MYT1: variants seen among roughly 807,000 people sequenced by gnomAD.
The protein encoded by MYT1 is myelin transcription factor 1, also known as myelin transcription factor I.
In MYT1, 23 loss-of-function variants were observed where a neutral mutation model predicts 123.0. The ratio of observed to expected loss-of-function variants is 0.19; its 90% CI spans 0.13 to 0.26. The LOEUF (loss-of-function observed/expected upper bound fraction) is 0.26. MYT1 is among the 10% of genes least tolerant of loss of function. MYT1 has a pLI of 1.00. For missense variants in MYT1, 1,125 were observed against 1,472.5 expected (o/e 0.76, Z 3.86); for synonymous variants, 518 against 575.3 (o/e 0.90, Z 1.43).
chr20:64,208,391 G>C lies in MYT1; in HGVS notation c.1195G>C (p.Gly399Arg), dbSNP rs971346088. The change falls in exon 7 of 23, where the codon GGC becomes CGC. Residue 399 changes from glycine (G) to arginine (R), a missense_variant. Gly to Arg is a moderately radical substitution (Grantham distance 125, BLOSUM62 -2). Transcript: ENST00000328439. The surrounding 1 kb of genome is among the most constrained non-coding windows in gnomAD (Gnocchi z 5.4). ...AEQVRTVCEP[G>R]CPPAEQSQLG... ...ACAGGTGCGCACAGTCTGCGAGCCGGGCTGCCCGCCTGCCGAGCAGAGCCA... is the reference window on the plus strand; with the variant it reads ...ACAGGTGCGCACAGTCTGCGAGCCGCGCTGCCCGCCTGCCGAGCAGAGCCA... 1 of 1,613,476 alleles carries C rather than the reference G, an allele frequency of 6.2e-7. No individual in the cohort carries two copies. The highest frequency in any genetic ancestry group is 8.5e-7 in the Non-Finnish European group (1 of 1,180,000).
Position 64,220,105 on chromosome 20 carries a change from A to T in MYT1, c.2241+123A>T, listed in dbSNP as rs1983957760. The stretch of plus-strand genomic sequence containing the variant: ...ACAGGCTTCTGGAAGAGCCTCGGGG[A>T]GCCATCCCTTTTCGTGAAGGGTCCT... On this transcript the variant is annotated intron_variant, in intron 13 of 22. Transcript: ENST00000328439. The T allele has an allele frequency of 2.2e-6, 3 of 1,385,168 alleles. No homozygotes were observed. The South Asian group carries it at 5.4e-5, about 25-fold the overall frequency. The allele number at this position is 1,385,168 out of a possible 1,614,324, so 85.8% of individuals were successfully genotyped here. A position where few individuals can be genotyped will look rare whatever the true frequency, so the allele number is the denominator to read the frequency against.
rs772155130 is a variant in MYT1, at chr20:64,191,727, A to G, written c.-1+1567A>G. ...CTCATATTTTGGCTCCCGCAGGATT[A>G]TCAGTGCTCTGCTGATCCATGTTGG... On this transcript the variant is annotated intron_variant, in intron 2 of 22. Transcript: ENST00000328439. The surrounding 1 kb of genome is among the most constrained non-coding windows in gnomAD (Gnocchi z 4.1). The G allele has an allele frequency of 1.3e-5, 2 of 152,258 alleles. No homozygotes were observed. Among genetic ancestry groups the G allele is most frequent in the African/African-American group, 2.4e-5 (1 of 41,460 alleles). 9.4% of individuals were successfully genotyped at this position (152,258 alleles called of 1,614,324 possible). A position where few individuals can be genotyped will look rare whatever the true frequency, so the allele number is the denominator to read the frequency against.
Position 64,213,683 on chromosome 20 carries a change from C to T in MYT1, c.1631+36C>T. The T allele has an allele frequency of 1.3e-6, 2 of 1,561,812 alleles. No individual in the cohort carries two copies. The highest frequency in any genetic ancestry group is 1.7e-5 in the Admixed American group (1 of 59,704). On this transcript the variant is annotated intron_variant, in intron 10 of 22. Transcript: ENST00000328439. The surrounding 1 kb of genome is among the most constrained non-coding windows in gnomAD (Gnocchi z 5.6). Reference sequence around the variant, plus strand: ...TGAGCCACAGAACTGAAGAGGCTGCCTCCCAAATGCCTGCAGAGGGCTTCT... The same window carrying T: ...TGAGCCACAGAACTGAAGAGGCTGCTTCCCAAATGCCTGCAGAGGGCTTCT...
At chr20:64,178,071 C>T (rs1982522384) in intron 1 of MYT1, among the ~76,000 whole-genome samples, 1 of 152,184 alleles carries the variant, frequency 6.6e-6, no homozygotes, top group African/African-American at 2.4e-5. Flanking sequence ...GAGGAGGCAC[C>T]TCAGGATCCT....
chr20:64,219,059 T>C (rs1046542078), intron 12 of MYT1, 24 bp downstream of exon 12: 3 of 1,593,612 alleles, frequency 1.9e-6, no homozygotes, highest in East Asian at 4.5e-5. Flanking sequence ...CCACAGAGCC[T>C]TTCTTGGGAG....
intron 4 of MYT1, among the ~76,000 whole-genome samples, chr20:64,201,986 G>A (rs532099515): frequency 3.4e-5 from 5 of 148,398 alleles, no homozygotes; most frequent in African/African-American, 7.5e-5. Context: ...GAACCCCCGC[G>A]TGTCGGGAAC....
Position 64,232,482 on chromosome 20 carries a change from C to A in MYT1, c.2897+97C>A. 8.1e-7 allele frequency: 1 copy of A among 1,231,464 alleles called. No homozygotes were observed. Among genetic ancestry groups the A allele is most frequent in the Non-Finnish European group, 1.2e-6 (1 of 859,988 alleles). 76.3% of individuals were successfully genotyped at this position (1,231,464 alleles called of 1,614,324 possible). On this transcript the variant is annotated intron_variant, in intron 19 of 22. Coordinates refer to ENST00000328439, the MANE Select transcript of MYT1 (RefSeq NM_004535.3). The surrounding 1 kb of genome is among the most constrained non-coding windows in gnomAD (Gnocchi z 6.9). ...CTCCTGAGGGAGGGCCAGACCAGGG[C>A]TCCGTGTGACCAGAGTTGCTCAAGG...
In MYT1 at chr20:64,168,041, C is replaced by T. The variant is rs1001619575; in HGVS notation, c.-99+3302C>T. Among the ~76,000 whole-genome samples, 4 of 152,182 alleles carry T rather than the reference C, an allele frequency of 2.6e-5. No individual in the cohort carries two copies. Among genetic ancestry groups the T allele is most frequent in the African/African-American group, 9.7e-5 (4 of 41,446 alleles). The stretch of plus-strand genomic sequence containing the variant: ...CCACTGGGGAGCCCACTGCCCAGCC[C>T]GGAGTGTCTGCTGGAGGCCTGGGGG... On this transcript the variant is annotated intron_variant, in intron 1 of 22. Transcript: ENST00000328439. This position sits in a 1 kb window ranked among gnomAD's most constrained non-coding sequence, Gnocchi z 6.1.
chr20:64,236,280 G>A (rs868192196), intron 19 of MYT1, among the ~76,000 whole-genome samples: 19 of 35,374 alleles, frequency 5.4e-4, no homozygotes, highest in African/African-American at 1.5e-3. Flanking sequence ...TGGGTGACCC[G>A]GGGCTGGCCG....
Position 64,232,030 on chromosome 20 carries a change from G to T in MYT1, c.2676-134G>T. Reference sequence around the variant, plus strand: ...TTCCCTGAGGCTCCAGGACCTCAGCGGCCCTCCCTGCCTCACTCAGAAGCC... The same window carrying T: ...TTCCCTGAGGCTCCAGGACCTCAGCTGCCCTCCCTGCCTCACTCAGAAGCC... On this transcript the variant is annotated intron_variant, in intron 18 of 22. Transcript: ENST00000328439. This position sits in a 1 kb window ranked among gnomAD's most constrained non-coding sequence, Gnocchi z 6.9. 1 of 823,174 alleles carries T rather than the reference G, an allele frequency of 1.2e-6. No homozygotes were observed. Among genetic ancestry groups the T allele is most frequent in the African/African-American group, 1.7e-5 (1 of 58,422 alleles). 51.0% of individuals were successfully genotyped at this position (823,174 alleles called of 1,614,324 possible).
intron 19 of MYT1, among the ~76,000 whole-genome samples, chr20:64,235,833 TGTGGTGGGTGACCCTGGGCTGGCC>T (rs1568722777): frequency 0.08 from 2,342 of 29,316 alleles, 174 homozygotes; most frequent in African/African-American, 0.14. Flanking sequence ...CTGGGCTGGC[TGTGGTGGGTGACCCTGGGCTGGCC>T]GTGGTGGGTG....
Position 64,214,950 on chromosome 20 carries a change from A to C in MYT1, c.1631+1303A>C, listed in dbSNP as rs141495033. ...GTGTTCCTCTGAAGGTGCAATTCCC[A>C]CACGTGGGATCTCTGGGCAGAGCAC... On this transcript the variant is annotated intron_variant, in intron 10 of 22. Transcript: ENST00000328439. Among the ~76,000 whole-genome samples, 108 of 152,142 alleles carry C rather than the reference A, an allele frequency of 7.1e-4. 1 individual carries two copies. The East Asian group carries it at 0.018, about 25-fold the overall frequency.
intron 2 of MYT1, among the ~76,000 whole-genome samples, chr20:64,196,000 A>G (rs775901944): frequency 1.3e-5 from 2 of 152,228 alleles, no homozygotes; most frequent in Non-Finnish European, 2.9e-5. Context: ...TGAAGCTGGC[A>G]TTTGGAGAAA....
At chr20:64,235,883 T>A (rs554453952) in intron 19 of MYT1, among the ~76,000 whole-genome samples, 3 of 130,030 alleles carry the variant, frequency 2.3e-5, no homozygotes, top group South Asian at 2.7e-4. Flanking sequence ...GGGATGGTCA[T>A]GGTGGGTGAC....
Position 64,239,741 on chromosome 20 carries a change from G to T in MYT1, c.3094-19G>T. 3 of 1,613,378 alleles carry T rather than the reference G, an allele frequency of 1.9e-6. No homozygotes were observed. The highest frequency in any genetic ancestry group is 2.5e-6 in the Non-Finnish European group (3 of 1,179,736). On this transcript the variant is annotated intron_variant, in intron 21 of 22. Coordinates refer to ENST00000328439, the MANE Select transcript of MYT1 (RefSeq NM_004535.3). Reference sequence around the variant, plus strand: ...GGGGGCCAAGGGCAGGCGGCACTTCGAATCTCTCTCTGGCACAGATCTCCT... The same window carrying T: ...GGGGGCCAAGGGCAGGCGGCACTTCTAATCTCTCTCTGGCACAGATCTCCT...
At chr20:64,205,226 G>T in intron 5 of MYT1, 129 bp downstream of exon 5, 1 of 1,109,750 alleles carries the variant, frequency 9.0e-7, no homozygotes, top group South Asian at 1.4e-5. Flanking sequence ...CCTTCTGCGA[G>T]GCAGCGACCT....
At chr20:64,239,956 G>C in intron 22 of MYT1, 53 bp downstream of exon 22, 2 of 1,594,676 alleles carry the variant, frequency 1.3e-6, no homozygotes, top group Non-Finnish European at 1.7e-6. Flanking sequence ...GGGTCTCTTC[G>C]GAAAGCAGGA....
At position 64,222,145 on chromosome 20, in the gene MYT1, G is replaced by A. The variant is rs553764000; in HGVS notation, c.2396+98G>A. 2.8e-6 allele frequency: 4 copies of A among 1,407,632 alleles called. No individual in the cohort carries two copies. In the African/African-American group the frequency reaches 5.7e-5, roughly 20 times the overall value. The allele number at this position is 1,407,632 out of a possible 1,614,324, so 87.2% of individuals were successfully genotyped here. A position where few individuals can be genotyped will look rare whatever the true frequency, so the allele number is the denominator to read the frequency against. On this transcript the variant is annotated intron_variant, in intron 14 of 22. Transcript: ENST00000328439. Reference sequence around the variant, plus strand: ...AACCCATGACGACCGGGTCTGCTCAGGCTTTCCCCGACCTGTCCTGACCAC... The same window carrying A: ...AACCCATGACGACCGGGTCTGCTCAAGCTTTCCCCGACCTGTCCTGACCAC...
At chr20:64,239,992 G>T in intron 22 of MYT1, 89 bp downstream of exon 22, 1 of 1,547,086 alleles carries the variant, frequency 6.5e-7, no homozygotes. Context: ...CACCCCCTCT[G>T]CCTCTGGGTC....
Sources: allele counts gnomAD v4.1 joint callset (sites outside exome capture counted in the v4.1 genomes callset), GRCh38; gene constraint gnomAD v4.1.1; non-coding constraint Gnocchi (gnomAD v3.1); transcripts MANE v1.5; gene names NCBI Gene and HGNC (gene_info 2026-07-23, HGNC 2026-07-21).